The following PLPPR1 variants were observed in gnomAD, a reference collection of about 807,000 sequenced individuals.
PLPPR1 encodes phospholipid phosphatase related 1, also known as phospholipid phosphatase-related protein type 1.
PLPPR1 carries 10 observed loss-of-function variants against 33.1 expected under a neutral mutation model. That is an observed-to-expected ratio of 0.30 (90% CI 0.19 to 0.51). The LOEUF (loss-of-function observed/expected upper bound fraction) is 0.51. Among genes scored for constraint, PLPPR1 ranks in the 20% least tolerant of loss-of-function variants. PLPPR1 has a pLI of 0.97. For missense variants in PLPPR1, 304 were observed against 408.1 expected, an observed-to-expected ratio of 0.74 and a Z score of 2.20; for synonymous variants, 151 against 151.0, an observed-to-expected ratio of 1.00 and a Z score of 0.00.
intron 1 of PLPPR1, among the ~76,000 whole-genome samples, chr9:101,160,136 A>T (rs1174692700): frequency 6.6e-6 from 1 of 152,202 alleles, no homozygotes; most frequent in Non-Finnish European, 1.5e-5. Flanking sequence ...AGAAATGAGA[A>T]GAACAATGGG....
intron 1 of PLPPR1, among the ~76,000 whole-genome samples, chr9:101,039,732 G>A (rs1293215380): frequency 6.6e-6 from 1 of 151,916 alleles, no homozygotes; most frequent in African/African-American, 2.4e-5. Flanking sequence ...GCTTATACAG[G>A]GAAACTCCTG....
intron 1 of PLPPR1, chr9:101,184,914 G>C (rs10121939): frequency 0.12 from 18,595 of 151,962 alleles, 1,384 homozygotes; most frequent in East Asian, 0.28. Context: ...TTAACCTGAA[G>C]TTGTTCATGG....
At chr9:101,193,970 A>T (rs1826347785) in intron 2 of PLPPR1, among the ~76,000 whole-genome samples, 1 of 152,174 alleles carries the variant, frequency 6.6e-6, no homozygotes, top group Non-Finnish European at 1.5e-5. Context: ...AGACATACAG[A>T]AATGTTGAAA....
chr9:101,203,141 C>T (rs1279678163), intron 2 of PLPPR1, among the ~76,000 whole-genome samples: 1 of 152,172 alleles, frequency 6.6e-6, no homozygotes, highest in Non-Finnish European at 1.5e-5. Flanking sequence ...GGGGCAGTGC[C>T]ACCTCTAAAT....
intron 1 of PLPPR1, among the ~76,000 whole-genome samples, chr9:101,049,850 G>A (rs1368803298): frequency 2.0e-5 from 3 of 151,836 alleles, no homozygotes; most frequent in Non-Finnish European, 2.9e-5. Context: ...TATAGGCCAT[G>A]CGCGGTGGCT....
At chr9:101,228,708 C>A (rs546548835) in intron 2 of PLPPR1, among the ~76,000 whole-genome samples, 10 of 152,066 alleles carry the variant, frequency 6.6e-5, no homozygotes, top group African/African-American at 2.4e-4. Context: ...AAAGCAGAAC[C>A]AATTGAGTAC....
At chr9:101,243,807 G>A (rs1827530762) in intron 2 of PLPPR1, among the ~76,000 whole-genome samples, 1 of 151,876 alleles carries the variant, frequency 6.6e-6, no homozygotes, top group South Asian at 2.1e-4. Context: ...TTAGTAGAAA[G>A]TAAGGTCTAG....
chr9:101,061,446 C>T (rs1450724905), intron 1 of PLPPR1, among the ~76,000 whole-genome samples: 2 of 151,962 alleles, frequency 1.3e-5, no homozygotes, highest in East Asian at 1.9e-4. Context: ...GCATGATACA[C>T]TTCTGACAGC....
intron 1 of PLPPR1, among the ~76,000 whole-genome samples, chr9:101,147,120 A>G (rs1000596043): frequency 1.3e-5 from 2 of 151,986 alleles, no homozygotes; most frequent in African/African-American, 2.4e-5. Context: ...GGAATTACCT[A>G]TTGGCTGGTT....
At chr9:101,162,158 T>C (rs1831785459) in intron 1 of PLPPR1, among the ~76,000 whole-genome samples, 1 of 151,710 alleles carries the variant, frequency 6.6e-6, no homozygotes, top group African/African-American at 2.4e-5. Flanking sequence ...AAAAGCATAA[T>C]GAGTTATTTC....
intron 1 of PLPPR1, among the ~76,000 whole-genome samples, chr9:101,131,142 A>G (rs1831308937): frequency 6.6e-6 from 1 of 152,218 alleles, no homozygotes; most frequent in Non-Finnish European, 1.5e-5. Flanking sequence ...CATGTGATTT[A>G]ACCTGACCTT....
intron 3 of PLPPR1, among the ~76,000 whole-genome samples, chr9:101,282,389 A>T (rs1415087115): frequency 1.3e-5 from 2 of 152,218 alleles, no homozygotes; most frequent in Non-Finnish European, 2.9e-5. Flanking sequence ...ACCCTCAACA[A>T]ATTAGGTATA....
intron 2 of PLPPR1, among the ~76,000 whole-genome samples, chr9:101,252,062 CTTACACTTCG>C (rs1178340348): frequency 4.6e-5 from 7 of 152,106 alleles, no homozygotes; most frequent in Non-Finnish European, 7.4e-5. Context: ...AAGGTTTAAA[CTTACACTTCG>C]TTCATGGTAT....
At chr9:101,034,672 A>C (rs1829988385) in intron 1 of PLPPR1, among the ~76,000 whole-genome samples, 1 of 152,022 alleles carries the variant, frequency 6.6e-6, no homozygotes, top group Non-Finnish European at 1.5e-5. Flanking sequence ...GGATTAACTG[A>C]GTTTGTTGTA....
intron 1 of PLPPR1, among the ~76,000 whole-genome samples, chr9:101,032,532 T>C (rs546620599): frequency 6.6e-6 from 1 of 152,330 alleles, no homozygotes; most frequent in South Asian, 2.1e-4. Context: ...CTGCCTTTTT[T>C]GCATTGTGAG....
intron 2 of PLPPR1, among the ~76,000 whole-genome samples, chr9:101,230,912 C>T (rs1367755): frequency 0.36 from 54,795 of 150,470 alleles, 10,057 homozygotes; most frequent in African/African-American, 0.42. Flanking sequence ...GTGAATTCTG[C>T]TGTACTCTCT....
intron 3 of PLPPR1, among the ~76,000 whole-genome samples, chr9:101,282,665 C>G (rs926486699): frequency 1.3e-5 from 2 of 152,124 alleles, no homozygotes; most frequent in African/African-American, 2.4e-5. Flanking sequence ...ACCCTGAAGA[C>G]TCTACTGAAA....
intron 4 of PLPPR1, among the ~76,000 whole-genome samples, chr9:101,291,048 A>G (rs1222450606): frequency 5.9e-5 from 9 of 152,276 alleles, no homozygotes; most frequent in African/African-American, 2.2e-4. Context: ...AAGGGGTGAA[A>G]GACGGCACCT....
chr9:101,310,624 T>C (rs75666505), intron 5 of PLPPR1, among the ~76,000 whole-genome samples: 3,388 of 152,326 alleles, frequency 0.022, 139 homozygotes, highest in African/African-American at 0.077. Flanking sequence ...CTCATATGGG[T>C]TTCTTATACC....
Sources: gnomAD v4.1 joint callset for allele counts (sites outside exome capture counted in the v4.1 genomes callset) on GRCh38, gnomAD v4.1.1 for gene constraint, MANE v1.5 for transcripts, NCBI Gene and HGNC (gene_info 2026-07-23, HGNC 2026-07-21) for gene names.